The following SNX4 variants were observed in gnomAD, a reference collection of about 807,000 sequenced individuals.
SNX4 encodes sorting nexin-4.
Under a neutral mutation model 70.8 loss-of-function variants are expected in SNX4, and 49 were observed. The ratio of observed to expected loss-of-function variants is 0.69; its 90% CI spans 0.55 to 0.88. SNX4 has a LOEUF of 0.88. SNX4 is among the 40% of genes least tolerant of loss of function. The pLI is 0.00. For synonymous variants in SNX4, 206 were observed against 183.8 expected, an observed-to-expected ratio of 1.12 and a Z score of -0.98; for missense variants, 528 against 544.8, an observed-to-expected ratio of 0.97 and a Z score of 0.31.
At chr3:125,468,405 T>C (rs1337307396) in intron 9 of SNX4, among the ~76,000 whole-genome samples, 1 of 152,002 alleles carries the variant, frequency 6.6e-6, no homozygotes, top group Non-Finnish European at 1.5e-5. Context: ...AAAAATAAAA[T>C]TAATTCAGTT....
chr3:125,504,332 CAAAAAAA>C (rs759738129), intron 2 of SNX4, among the ~76,000 whole-genome samples: 1 of 60,176 alleles, frequency 1.7e-5, no homozygotes, highest in East Asian at 5.9e-4. Flanking sequence ...GACTCCATCT[CAAAAAAA>C]AAAAAAAAAA....
At position 125,495,250 on chromosome 3, in the gene SNX4, TTATATA is replaced by T. The variant is rs759787193; in HGVS notation, c.597+2085_597+2090del. ...GAAATGTGATACACTCATTCTCTCTTTATATATATATATATATATATATATATACAC... is the reference window on the plus strand; with the variant it reads ...GAAATGTGATACACTCATTCTCTCTTTATATATATATATATATATATACAC... On this transcript the variant is annotated intron_variant, in intron 5 of 13. Coordinates refer to ENST00000251775, the MANE Select transcript of SNX4 (RefSeq NM_003794.4). Among the ~76,000 whole-genome samples, 46 of 38,158 alleles carry T rather than the reference TTATATA, an allele frequency of 1.2e-3. 2 individuals are homozygous for T. Among genetic ancestry groups the T allele is most frequent in the East Asian group, 2.5e-3 (2 of 800 alleles). 25.0% of individuals were successfully genotyped at this position (38,158 alleles called of 152,430 possible). A position where few individuals can be genotyped will look rare whatever the true frequency, so the allele number is the denominator to read the frequency against.
intron 9 of SNX4, among the ~76,000 whole-genome samples, chr3:125,467,742 T>C (rs1418719427): frequency 6.6e-6 from 1 of 152,056 alleles, no homozygotes. Context: ...GGTCAAAAAA[T>C]AACATGCTGG....
At chr3:125,453,435 TC>T (rs1317678887) in intron 12 of SNX4, among the ~76,000 whole-genome samples, 1 of 152,132 alleles carries the variant, frequency 6.6e-6, no homozygotes, top group East Asian at 1.9e-4. Flanking sequence ...TATTTCTCTT[TC>T]CCCCACATTG....
chr3:125,500,150 T>G (rs1177222787), intron 2 of SNX4, among the ~76,000 whole-genome samples: 1 of 151,950 alleles, frequency 6.6e-6, no homozygotes, highest in Non-Finnish European at 1.5e-5. Context: ...CAGAGAAGAC[T>G]TTCATTAGAC....
chr3:125,462,593 CAAAAAAAAA>C (rs34157775), intron 9 of SNX4, among the ~76,000 whole-genome samples: 9 of 48,274 alleles, frequency 1.9e-4, no homozygotes, highest in African/African-American at 3.3e-4. Flanking sequence ...TCTGTCTCAC[CAAAAAAAAA>C]AAAAAAAAAA....
At chr3:125,510,323 G>A (rs1207939559) in intron 1 of SNX4, among the ~76,000 whole-genome samples, 1 of 151,796 alleles carries the variant, frequency 6.6e-6, no homozygotes, top group African/African-American at 2.4e-5. Context: ...CGCCTTCCGG[G>A]TTCACGCCAC....
intron 1 of SNX4, among the ~76,000 whole-genome samples, chr3:125,519,507 C>G (rs1935351577): frequency 6.6e-6 from 1 of 152,170 alleles, no homozygotes; most frequent in Admixed American, 6.5e-5. Flanking sequence ...GATGGCAGCA[C>G]CAGGCCAACC....
intron 9 of SNX4, among the ~76,000 whole-genome samples, chr3:125,468,577 G>A (rs919806381): frequency 4.6e-5 from 7 of 152,126 alleles, no homozygotes; most frequent in South Asian, 4.1e-4. Flanking sequence ...TGGGAACAGC[G>A]GCTCATGCCT....
At chr3:125,508,483 C>T (rs1415656354) in intron 1 of SNX4, among the ~76,000 whole-genome samples, 4 of 151,472 alleles carry the variant, frequency 2.6e-5, no homozygotes, top group Non-Finnish European at 5.9e-5. Context: ...AGAAGAATGG[C>T]GTGAACCCGG....
intron 9 of SNX4, among the ~76,000 whole-genome samples, chr3:125,461,985 T>G (rs1462299908): frequency 1.3e-5 from 2 of 152,192 alleles, no homozygotes; most frequent in Non-Finnish European, 2.9e-5. Flanking sequence ...CAACCTCTGC[T>G]TTGATTGGGA....
chr3:125,472,412 T>C (rs1435835338), intron 8 of SNX4, among the ~76,000 whole-genome samples: 2 of 152,152 alleles, frequency 1.3e-5, no homozygotes, highest in African/African-American at 4.8e-5. Flanking sequence ...GTTGCCTTCA[T>C]CAGTGCTTCT....
In SNX4 at chr3:125,451,329, G is replaced by T; in HGVS notation, c.1281C>A (p.Val427=). Residue 427 remains valine (V), a synonymous_variant, in exon 13 of 14, where the codon GTC becomes GTA. Coordinates refer to ENST00000251775, the MANE Select transcript of SNX4 (RefSeq NM_003794.4). ...DLKEALISYA[V]MQISMCKKGI... ...CCTTTTTGCACATACTGATCTGCAT[G>T]ACTGCATAGCTTATGAGGGCCTCCT... 6.2e-7 allele frequency: 1 copy of T among 1,613,126 alleles called. No individual in the cohort carries two copies. Among genetic ancestry groups the T allele is most frequent in the South Asian group, 1.1e-5 (1 of 91,010 alleles).
At chr3:125,491,101 T>C (rs1011302066) in intron 5 of SNX4, among the ~76,000 whole-genome samples, 2 of 152,230 alleles carry the variant, frequency 1.3e-5, no homozygotes, top group South Asian at 4.1e-4. Flanking sequence ...AAGGGCTATC[T>C]AAAGAATATC....
At chr3:125,450,170 A>C (rs377078957) in intron 13 of SNX4, among the ~76,000 whole-genome samples, 23 of 152,238 alleles carry the variant, frequency 1.5e-4, no homozygotes, top group African/African-American at 4.8e-4. Context: ...TGAAGGCAAA[A>C]AAAAGATAGA....
intron 9 of SNX4, among the ~76,000 whole-genome samples, chr3:125,468,112 G>A (rs1934078084): frequency 2.0e-5 from 3 of 152,170 alleles, no homozygotes; most frequent in Admixed American, 2.0e-4. Flanking sequence ...TGCAGCTGGA[G>A]GCCATTATCC....
intron 11 of SNX4, among the ~76,000 whole-genome samples, chr3:125,456,952 T>C (rs1025386530): frequency 2.1e-5 from 3 of 145,182 alleles, no homozygotes; most frequent in African/African-American, 7.9e-5. Flanking sequence ...TGAGCCACCG[T>C]GCCCAGCCCA....
intron 1 of SNX4, among the ~76,000 whole-genome samples, chr3:125,510,973 C>CAATGGCACGATCTCGGCTGACCGCA (rs1935159293): frequency 6.6e-6 from 1 of 152,244 alleles, no homozygotes. Context: ...GGCTGGAGTG[C>CAATGGCACGATCTCGGCTGACCGCA]AATGGCACGA....
intron 7 of SNX4, among the ~76,000 whole-genome samples, chr3:125,477,339 C>A (rs529290890): frequency 9.5e-4 from 145 of 152,282 alleles, no homozygotes; most frequent in African/African-American, 3.3e-3. Context: ...AACTCCTAAC[C>A]AACGAACACA....
Sources: allele counts gnomAD v4.1 joint callset (sites outside exome capture counted in the v4.1 genomes callset), GRCh38; gene constraint gnomAD v4.1.1; transcripts MANE v1.5; gene names NCBI Gene and HGNC (gene_info 2026-07-23, HGNC 2026-07-21).